The following LRBA variants were observed in gnomAD, a reference collection of about 807,000 sequenced individuals.
LRBA encodes lipopolysaccharide-responsive and beige-like anchor protein.
LRBA carries 176 observed loss-of-function variants against 330.0 expected under a neutral mutation model. The ratio of observed to expected loss-of-function variants is 0.53; its 90% confidence interval spans 0.47 to 0.60. The LOEUF (loss-of-function observed/expected upper bound fraction) is 0.60, where lower values mean the gene tolerates loss of function less well. Ranked by LOEUF, LRBA falls within the 20% of genes least tolerant of loss-of-function variation. LRBA has a pLI of 0.00. For synonymous variants in LRBA, 1,230 were observed against 1,193.0 expected (o/e 1.03, Z -0.64); for missense variants, 3,259 against 3,444.8 (o/e 0.95, Z 1.35).
intron 17 of LRBA, among the ~76,000 whole-genome samples, chr4:150,876,934 A>G (rs769405878): frequency 1.3e-5 from 2 of 152,136 alleles, no homozygotes; most frequent in Non-Finnish European, 2.9e-5. Flanking sequence ...TAAAAAAAAC[A>G]AAACTCATCC....
At chr4:150,298,836 A>G (rs1435162657) in intron 53 of LRBA, among the ~76,000 whole-genome samples, 1 of 152,084 alleles carries the variant, frequency 6.6e-6, no homozygotes, top group Non-Finnish European at 1.5e-5. Flanking sequence ...CTACACACAC[A>G]AATCTGTGCA....
intron 44 of LRBA, among the ~76,000 whole-genome samples, chr4:150,438,203 C>T (rs994299596): frequency 6.6e-6 from 1 of 152,160 alleles, no homozygotes; most frequent in African/African-American, 2.4e-5. Flanking sequence ...GATACAGAGG[C>T]CAGGTGCAGT....
chr4:150,702,502 C>G (rs1051018124), intron 36 of LRBA, among the ~76,000 whole-genome samples: 1 of 152,118 alleles, frequency 6.6e-6, no homozygotes, highest in African/African-American at 2.4e-5. Context: ...ATTTTACAAC[C>G]TATGTTTTAG....
intron 36 of LRBA, among the ~76,000 whole-genome samples, chr4:150,724,494 A>C (rs1278696818): frequency 6.6e-6 from 1 of 152,098 alleles, no homozygotes; most frequent in Non-Finnish European, 1.5e-5. Context: ...GACTACAATA[A>C]ATACCTAACT....
At chr4:150,629,202 T>C (rs777229711) in intron 37 of LRBA, among the ~76,000 whole-genome samples, 1 of 152,204 alleles carries the variant, frequency 6.6e-6, no homozygotes, top group African/African-American at 2.4e-5. Context: ...GCATCCAGCC[T>C]CAAAATGTCA....
At chr4:150,536,007 T>G (rs1007226683) in intron 40 of LRBA, among the ~76,000 whole-genome samples, 1 of 152,188 alleles carries the variant, frequency 6.6e-6, no homozygotes, top group African/African-American at 2.4e-5. Context: ...TACATTTAAC[T>G]TCCAGCTTAA....
intron 36 of LRBA, among the ~76,000 whole-genome samples, chr4:150,719,136 C>T (rs1005308310): frequency 3.3e-5 from 5 of 152,040 alleles, no homozygotes; most frequent in Non-Finnish European, 5.9e-5. Flanking sequence ...AATATATATA[C>T]TTTTCAGATC....
chr4:150,805,422 G>A (rs911767419), intron 33 of LRBA, among the ~76,000 whole-genome samples: 7 of 101,650 alleles, frequency 6.9e-5, no homozygotes, highest in Non-Finnish European at 1.8e-5. Flanking sequence ...GGAAGGGAAA[G>A]GAAAGGAAAG....
chr4:150,775,839 AAG>A (rs1737248118), intron 34 of LRBA, among the ~76,000 whole-genome samples: 1 of 148,680 alleles, frequency 6.7e-6, no homozygotes, highest in Admixed American at 6.7e-5. Flanking sequence ...ACCAGCAAGC[AAG>A]AGAGGGGAGA....
chr4:150,393,883 T>A (rs1744354987), intron 47 of LRBA, among the ~76,000 whole-genome samples: 1 of 152,236 alleles, frequency 6.6e-6, no homozygotes, highest in South Asian at 2.1e-4. Context: ...AATGCTAGAT[T>A]ATTAATGTTG....
At chr4:150,572,739 T>C (rs1770022295) in intron 40 of LRBA, among the ~76,000 whole-genome samples, 1 of 152,094 alleles carries the variant, frequency 6.6e-6, no homozygotes, top group African/African-American at 2.4e-5. Context: ...GGTTGGGCGA[T>C]TTATTGACCG....
At chr4:150,471,571 T>C (rs1005048257) in intron 43 of LRBA, 53 bp downstream of exon 43, 27 of 1,037,108 alleles carry the variant, frequency 2.6e-5, no homozygotes, top group Middle Eastern at 4.2e-4. Flanking sequence ...AATCTAACAA[T>C]TGAAATTAAT....
chr4:150,465,684 AT>A (rs535177733), intron 44 of LRBA, among the ~76,000 whole-genome samples: 2 of 152,094 alleles, frequency 1.3e-5, no homozygotes, highest in Non-Finnish European at 2.9e-5. Flanking sequence ...TTCTTTACCC[AT>A]TTTTGAATGT....
chr4:150,691,987 C>T (rs931726871), intron 36 of LRBA, among the ~76,000 whole-genome samples: 1 of 151,982 alleles, frequency 6.6e-6, no homozygotes, highest in Non-Finnish European at 1.5e-5. Flanking sequence ...TCTATAATAA[C>T]AGAAATCAGA....
intron 9 of LRBA, among the ~76,000 whole-genome samples, chr4:150,913,972 T>C (rs1732290152): frequency 6.6e-6 from 1 of 152,212 alleles, no homozygotes; most frequent in Admixed American, 6.5e-5. Flanking sequence ...AGAACAGATA[T>C]CCATCCCTTC....
At chr4:150,650,378 G>T (rs1380334972) in intron 37 of LRBA, among the ~76,000 whole-genome samples, 1 of 152,056 alleles carries the variant, frequency 6.6e-6, no homozygotes, top group Admixed American at 6.6e-5. Flanking sequence ...TAATAACCAA[G>T]AAAACATTCT....
chr4:150,751,499 C>T (rs1366471208), intron 35 of LRBA, among the ~76,000 whole-genome samples: 1 of 151,794 alleles, frequency 6.6e-6, no homozygotes, highest in Non-Finnish European at 1.5e-5. Flanking sequence ...CCTAAATATG[C>T]AAATTACACA....
At chr4:150,861,415 C>G (rs1390150244) in intron 22 of LRBA, among the ~76,000 whole-genome samples, 1 of 152,102 alleles carries the variant, frequency 6.6e-6, no homozygotes, top group Non-Finnish European at 1.5e-5. Flanking sequence ...TGTGAGCCAC[C>G]ATTCCCAGCC....
chr4:150,333,363 G>A (rs912297128), intron 48 of LRBA, among the ~76,000 whole-genome samples: 9 of 151,684 alleles, frequency 5.9e-5, no homozygotes, highest in African/African-American at 1.7e-4. Context: ...ACATCTGAAC[G>A]CACTATAAAA....
Sources: allele counts gnomAD v4.1 joint callset (sites outside exome capture counted in the v4.1 genomes callset), GRCh38; gene constraint gnomAD v4.1.1; transcripts MANE v1.5; gene names NCBI Gene and HGNC (gene_info 2026-07-23, HGNC 2026-07-21).